PTPRT: variants seen among roughly 807,000 people sequenced by gnomAD.
The protein encoded by PTPRT is protein tyrosine phosphatase receptor type T, also known as receptor-type tyrosine-protein phosphatase T.
In PTPRT, 56 loss-of-function variants were observed where a neutral mutation model predicts 176.8. That is an observed-to-expected ratio of 0.32 (90% CI 0.26 to 0.40). PTPRT has a LOEUF of 0.40. PTPRT is among the 10% of genes least tolerant of loss of function. The pLI is 1.00. For missense variants in PTPRT, 1,540 were observed against 1,908.2 expected, an observed-to-expected ratio of 0.81 and a Z score of 3.60; for synonymous variants, 783 against 739.0, an observed-to-expected ratio of 1.06 and a Z score of -0.96.
In PTPRT at chr20:42,106,860, T is replaced by A. The variant is rs1164153820; in HGVS notation, c.3316A>T (p.Asn1106Tyr). ...AIDTMLDMAE[N>Y]EGVVDIFNCV... ...TTGAAGATGTCCACCACCCCTTCAT[T>A]CTCGGCCATGTCAAGCATGGTGTCA... Residue 1106 changes from asparagine to tyrosine, a missense_variant, in exon 24 of 31, where the codon AAT becomes TAT. Physicochemically the swap from Asn to Tyr is moderately radical, Grantham distance 143 (BLOSUM62 -2). This residue lies in a region of PTPRT where 248 missense variants were observed against 356.7 expected (regional missense o/e 0.70). Transcript: ENST00000373187. The A allele has an allele frequency of 6.2e-7, 1 of 1,614,046 alleles. No homozygotes were observed. Among genetic ancestry groups the A allele is most frequent in the Non-Finnish European group, 8.5e-7 (1 of 1,180,006 alleles).
chr20:42,700,764 A>G (rs2146159504), intron 6 of PTPRT, among the ~76,000 whole-genome samples: 1 of 152,258 alleles, frequency 6.6e-6, no homozygotes, highest in Middle Eastern at 3.4e-3. Context: ...CAGAACCCTC[A>G]TCTAGGGGCT....
At chr20:42,997,212 C>T (rs1984271755) in intron 1 of PTPRT, among the ~76,000 whole-genome samples, 1 of 150,996 alleles carries the variant, frequency 6.6e-6, no homozygotes, top group African/African-American at 2.5e-5. Context: ...TGCCACTGCC[C>T]CATTAACACG....
intron 9 of PTPRT, among the ~76,000 whole-genome samples, chr20:42,358,163 C>G (rs750191724): frequency 6.2e-4 from 93 of 149,010 alleles, no homozygotes; most frequent in Admixed American, 2.2e-3. Context: ...TATACCATGG[C>G]TATGCAAGAT....
At chr20:42,131,892 G>A (rs1433308622) in intron 18 of PTPRT, among the ~76,000 whole-genome samples, 1 of 152,320 alleles carries the variant, frequency 6.6e-6, no homozygotes, top group African/African-American at 2.4e-5. Flanking sequence ...AATGGCTAGA[G>A]TGAAGGCAGA....
intron 7 of PTPRT, among the ~76,000 whole-genome samples, chr20:42,561,862 C>T (rs1258874669): frequency 6.6e-6 from 1 of 152,230 alleles, no homozygotes; most frequent in African/African-American, 2.4e-5. Context: ...ACTGCTGCCT[C>T]ATTGACTGTA....
chr20:42,143,026 T>C (rs554695559), intron 17 of PTPRT, among the ~76,000 whole-genome samples: 1 of 152,152 alleles, frequency 6.6e-6, no homozygotes, highest in Non-Finnish European at 1.5e-5. Context: ...GACTGGAGTG[T>C]TGTGAAGAGG....
rs57263700 is a variant in PTPRT, at chr20:42,947,985, TTGAA to T, written c.89-62057_89-62054del. 2.6e-3 allele frequency among the ~76,000 whole-genome samples: 401 copies of T among 152,146 alleles called. 1 individual carries two copies. The highest frequency in any genetic ancestry group is 7.7e-3 in the African/African-American group (319 of 41,456). On this transcript the variant is annotated intron_variant, in intron 1 of 30. Coordinates refer to ENST00000373187, the MANE Select transcript of PTPRT (RefSeq NM_007050.6). ...AGTAGGTGCTCAATACATGCATTTGTTGAATGAATGAATGAATGAATGAATGAGT... is the reference window on the plus strand; with the variant it reads ...AGTAGGTGCTCAATACATGCATTTGTTGAATGAATGAATGAATGAATGAGT...
chr20:42,898,827 T>C (rs1051442568), intron 1 of PTPRT, among the ~76,000 whole-genome samples: 1 of 152,012 alleles, frequency 6.6e-6, no homozygotes, highest in Non-Finnish European at 1.5e-5. Flanking sequence ...AGGCCCTCTG[T>C]TGGGTCAGCG....
chr20:42,456,192 C>T (rs1005190998), intron 8 of PTPRT, among the ~76,000 whole-genome samples: 11 of 151,790 alleles, frequency 7.2e-5, no homozygotes, highest in African/African-American at 2.7e-4. Flanking sequence ...TAAGAAAATA[C>T]CACATACTTG....
rs1989607820 is a variant in PTPRT at position 42,161,657 on chromosome 20, C to A, written c.2492-115G>T. The A allele has an allele frequency of 1.4e-5, 14 of 973,846 alleles. 1 individual carries two copies. The South Asian group carries it at 2.4e-4, about 16-fold the overall frequency. The allele number at this position is 973,846 out of a possible 1,614,324, so 60.3% of individuals were successfully genotyped here. On this transcript the variant is annotated intron_variant, in intron 16 of 30. Transcript: ENST00000373187. ...CAGAGGGAACCAACTTGGGACTCAACTGATAGGGAAACTGCAAAAGGATTG... is the reference window on the plus strand; with the variant it reads ...CAGAGGGAACCAACTTGGGACTCAAATGATAGGGAAACTGCAAAAGGATTG...
chr20:42,716,987 A>G, intron 6 of PTPRT, among the ~76,000 whole-genome samples: 1 of 151,292 alleles, frequency 6.6e-6, no homozygotes, highest in Non-Finnish European at 1.5e-5. Flanking sequence ...ATTGAACAAT[A>G]AGAACACATG....
intron 1 of PTPRT, among the ~76,000 whole-genome samples, chr20:42,990,201 G>T (rs969408423): frequency 6.6e-6 from 1 of 152,090 alleles, no homozygotes; most frequent in Non-Finnish European, 1.5e-5. Context: ...TTAGAACAGG[G>T]GTCAGAAAAC....
intron 9 of PTPRT, among the ~76,000 whole-genome samples, chr20:42,388,583 C>G (rs1346398700): frequency 6.6e-6 from 1 of 152,202 alleles, no homozygotes; most frequent in Non-Finnish European, 1.5e-5. Context: ...GAGATACCAT[C>G]TCACACCAGT....
intron 1 of PTPRT, among the ~76,000 whole-genome samples, chr20:43,131,618 T>C (rs1018322605): frequency 1.3e-5 from 2 of 152,176 alleles, no homozygotes; most frequent in African/African-American, 4.8e-5. Flanking sequence ...CATTCAGGCC[T>C]AGATGGATTC....
At chr20:42,042,043 C>T in the PTPRT span, among the ~76,000 whole-genome samples, 3 of 152,170 alleles carry the variant, frequency 2.0e-5, no homozygotes, top group Admixed American at 6.6e-5. Flanking sequence ...ATCACTGTCA[C>T]TTGTACTCCT....
chr20:42,919,816 T>C (rs988262269), intron 1 of PTPRT, among the ~76,000 whole-genome samples: 3 of 152,344 alleles, frequency 2.0e-5, no homozygotes, highest in Admixed American at 1.3e-4. Flanking sequence ...ATTCTTTTAG[T>C]GTAGTTCAGT....
intron 12 of PTPRT, among the ~76,000 whole-genome samples, chr20:42,306,940 A>C (rs2057552306): frequency 6.6e-6 from 1 of 152,232 alleles, no homozygotes; most frequent in African/African-American, 2.4e-5. Context: ...TCAAGGAAGC[A>C]GCATAGGTGA....
intron 7 of PTPRT, among the ~76,000 whole-genome samples, chr20:42,499,532 C>T (rs770493765): frequency 9.9e-5 from 15 of 152,072 alleles, no homozygotes; most frequent in Non-Finnish European, 1.5e-4. Flanking sequence ...CCTTGCGATC[C>T]AGCTGCCTCG....
Position 43,179,483 on chromosome 20 carries a change from T to C in PTPRT, c.88+10163A>G, listed in dbSNP as rs949722615. On this transcript the variant is annotated intron_variant, in intron 1 of 30. Transcript: ENST00000373187. ...TCATAGCCCTAATCTATTGGTGTTT[T>C]TTATAAATTGGTTTTTGTGGAACTT... Among the ~76,000 whole-genome samples, 25 of 152,228 alleles carry C rather than the reference T, an allele frequency of 1.6e-4. 1 individual carries two copies. The highest frequency in any genetic ancestry group is 5.5e-4 in the African/African-American group (23 of 41,452).
Sources: allele counts gnomAD v4.1 joint callset (sites outside exome capture counted in the v4.1 genomes callset), GRCh38; gene constraint gnomAD v4.1.1; regional missense constraint gnomAD v4.1.1; transcripts MANE v1.5; gene names NCBI Gene and HGNC (gene_info 2026-07-23, HGNC 2026-07-21).